MEGF10: variants seen among roughly 807,000 people sequenced by gnomAD.
MEGF10 encodes multiple EGF like domains 10.
In MEGF10, 86 loss-of-function variants were observed where a neutral mutation model predicts 147.5. The observed-to-expected ratio is 0.58, with a 90% CI of 0.49 to 0.70. The LOEUF (loss-of-function observed/expected upper bound fraction) is 0.70, where lower values mean the gene tolerates loss of function less well. Ranked by LOEUF, MEGF10 falls within the 30% of genes least tolerant of loss-of-function variation. MEGF10 has a pLI of 0.00. For missense variants in MEGF10, 1,329 were observed against 1,487.3 expected, an observed-to-expected ratio of 0.89 and a Z score of 1.75; for synonymous variants, 478 against 525.5, an observed-to-expected ratio of 0.91 and a Z score of 1.24.
chr5:127,426,191 C>T (rs77083562), intron 13 of MEGF10, among the ~76,000 whole-genome samples: 2,844 of 152,298 alleles, frequency 0.019, 55 homozygotes, highest in South Asian at 0.078. Context: ...TTACTGTGTA[C>T]CCACATCCAC....
At chr5:127,372,969 A>C (rs1452271820) in intron 5 of MEGF10, among the ~76,000 whole-genome samples, 2 of 152,214 alleles carry the variant, frequency 1.3e-5, no homozygotes, top group Non-Finnish European at 2.9e-5. Flanking sequence ...TTGAGGAAGG[A>C]ATATCTGCCT....
chr5:127,435,834 A>G (rs1765537129), intron 16 of MEGF10, among the ~76,000 whole-genome samples: 1 of 152,216 alleles, frequency 6.6e-6, no homozygotes, highest in Non-Finnish European at 1.5e-5. Flanking sequence ...AGAGTTAATT[A>G]CAGAGAAAGA....
chr5:127,395,177 C>T (rs1458667492), intron 5 of MEGF10, among the ~76,000 whole-genome samples: 4 of 152,138 alleles, frequency 2.6e-5, no homozygotes, highest in Admixed American at 1.3e-4. Context: ...CTCAGCAATA[C>T]ATACTAAGAG....
the MEGF10 span, among the ~76,000 whole-genome samples, chr5:127,261,633 T>C: frequency 1.3e-5 from 2 of 152,202 alleles, no homozygotes; most frequent in South Asian, 2.1e-4. Context: ...AGGAGTGGAA[T>C]TGCTGGTTCA....
intron 5 of MEGF10, among the ~76,000 whole-genome samples, chr5:127,384,303 A>C (rs560672631): frequency 6.6e-6 from 1 of 152,372 alleles, no homozygotes; most frequent in South Asian, 2.1e-4. Flanking sequence ...GAAGATGCTT[A>C]ACAAATCTTT....
At chr5:127,243,566 G>C in the MEGF10 span, among the ~76,000 whole-genome samples, 1 of 152,188 alleles carries the variant, frequency 6.6e-6, no homozygotes, top group East Asian at 1.9e-4. Context: ...AAAAATAAAT[G>C]GAATCTTTTG....
intron 4 of MEGF10, among the ~76,000 whole-genome samples, chr5:127,357,668 A>C (rs1561591430): frequency 6.6e-6 from 1 of 151,834 alleles, no homozygotes; most frequent in Non-Finnish European, 1.5e-5. Flanking sequence ...AAAGTGACCC[A>C]TCTAAGAACT....
At chr5:127,280,958 C>A in the MEGF10 span, among the ~76,000 whole-genome samples, 1 of 152,170 alleles carries the variant, frequency 6.6e-6, no homozygotes, top group South Asian at 2.1e-4. Flanking sequence ...TGCATCAGCC[C>A]TGGGCTTTGA....
At chr5:127,398,887 A>G in intron 7 of MEGF10, 91 bp downstream of exon 7, 3 of 1,535,864 alleles carry the variant, frequency 2.0e-6, no homozygotes, top group Non-Finnish European at 2.7e-6. Flanking sequence ...CTTTAGCACA[A>G]AGGAAAGTTA....
intron 4 of MEGF10, among the ~76,000 whole-genome samples, chr5:127,354,586 C>T (rs561579742): frequency 1.3e-5 from 2 of 152,230 alleles, no homozygotes; most frequent in African/African-American, 2.4e-5. Flanking sequence ...GGCCCGAGTG[C>T]GCCTCATTTG....
intron 1 of MEGF10, among the ~76,000 whole-genome samples, chr5:127,303,300 C>T (rs1273336760): frequency 6.9e-6 from 1 of 145,574 alleles, no homozygotes; most frequent in African/African-American, 2.6e-5. Context: ...TGCACTACTG[C>T]ACTCCAGTCT....
At chr5:127,422,911 A>G in intron 13 of MEGF10, 139 bp downstream of exon 13, 1 of 662,270 alleles carries the variant, frequency 1.5e-6, no homozygotes, top group South Asian at 1.9e-5. Context: ...CAGTAAACTG[A>G]AACCTTTAAT....
intron 14 of MEGF10, among the ~76,000 whole-genome samples, chr5:127,433,887 T>C (rs1034872359): frequency 6.6e-6 from 1 of 152,214 alleles, no homozygotes; most frequent in African/African-American, 2.4e-5. Context: ...TTACCAGACG[T>C]CAACATCAGC....
intron 7 of MEGF10, among the ~76,000 whole-genome samples, 198 bp from the exon 8 acceptor site, chr5:127,402,348 G>A (rs920873052): frequency 3.9e-5 from 6 of 152,186 alleles, no homozygotes; most frequent in African/African-American, 1.4e-4. Flanking sequence ...TGGGCTTACT[G>A]AGTAATTAAG....
At chr5:127,417,616 T>C in intron 9 of MEGF10, 22 bp from the exon 10 acceptor site, 2 of 1,613,902 alleles carry the variant, frequency 1.2e-6, no homozygotes, top group Non-Finnish European at 1.7e-6. Flanking sequence ...AGTGACTTAT[T>C]CCTTTCATCC....
Position 127,459,682 on chromosome 5 carries a change from C to A in MEGF10, c.*2364C>A, listed in dbSNP as rs761791205. 6 of 152,168 alleles carry A rather than the reference C, an allele frequency of 3.9e-5. No homozygotes were observed. Among genetic ancestry groups the A allele is most frequent in the Non-Finnish European group, 7.3e-5 (5 of 68,040 alleles). The allele number at this position is 152,168 out of a possible 1,614,324, so 9.4% of individuals were successfully genotyped here. A position where few individuals can be genotyped will look rare whatever the true frequency, so the allele number is the denominator to read the frequency against. ...AGATGTGGACTCCAAGGGGCCACTGCCATCCCTTCCTGTGTGCTCTTTTTG... is the reference window on the plus strand; with the variant it reads ...AGATGTGGACTCCAAGGGGCCACTGACATCCCTTCCTGTGTGCTCTTTTTG... On this transcript the variant is annotated 3_prime_UTR_variant, in exon 25 of 25. Coordinates refer to ENST00000503335, the MANE Select transcript of MEGF10 (RefSeq NM_001256545.2).
intron 12 of MEGF10, among the ~76,000 whole-genome samples, chr5:127,420,928 T>C (rs1764975523): frequency 6.6e-6 from 1 of 152,216 alleles, no homozygotes; most frequent in South Asian, 2.1e-4. Context: ...CTCCAGGACA[T>C]CATCTGATGG....
chr5:127,320,764 A>G (rs1309166118), intron 1 of MEGF10, among the ~76,000 whole-genome samples: 1 of 152,220 alleles, frequency 6.6e-6, no homozygotes, highest in Non-Finnish European at 1.5e-5. Context: ...GCTTAAAACC[A>G]TGAGGATAAA....
rs148179581 is a variant in MEGF10 at position 127,430,589 on chromosome 5, A to T, written c.1694-2774A>T. On this transcript the variant is annotated intron_variant, in intron 13 of 24. Transcript: ENST00000503335. ...GAATGCATGCTCTCTTAGAATATCA[A>T]TATTCTCCAGAGAAGGTACTACTCA... Among the ~76,000 whole-genome samples, 857 of 152,308 alleles carry T rather than the reference A, an allele frequency of 5.6e-3. 10 individuals carry two copies. The highest frequency in any genetic ancestry group is 0.02 in the African/African-American group (812 of 41,570).
Sources: allele counts gnomAD v4.1 joint callset (sites outside exome capture counted in the v4.1 genomes callset), GRCh38; gene constraint gnomAD v4.1.1; transcripts MANE v1.5; gene names NCBI Gene and HGNC (gene_info 2026-07-23, HGNC 2026-07-21).